CCDC80: variants seen among roughly 807,000 people sequenced by gnomAD.
The protein encoded by CCDC80 is coiled-coil domain-containing protein 80.
A neutral mutation model predicts 78.7 loss-of-function variants in CCDC80; 49 were observed. The ratio of observed to expected loss-of-function variants is 0.62; its 90% CI spans 0.50 to 0.79. The LOEUF is 0.79. Among genes scored for constraint, CCDC80 ranks in the 30% least tolerant of loss-of-function variants. CCDC80 has a pLI of 0.00. For synonymous variants in CCDC80, 488 were observed against 447.0 expected (o/e 1.09, Z -1.16); for missense variants, 1,205 against 1,198.6 (o/e 1.01, Z -0.08).
chr3:112,639,371 G>T lies in CCDC80; in HGVS notation c.535C>A (p.Leu179Met). 6.2e-7 allele frequency: 1 copy of T among 1,614,192 alleles called. No homozygotes were observed. Among genetic ancestry groups the T allele is most frequent in the Non-Finnish European group, 8.5e-7 (1 of 1,180,036 alleles). ...SLLKDDVYCELAERHIQQIVL... is the reference protein window; with the variant it reads ...SLLKDDVYCEMAERHIQQIVL... The stretch of plus-strand genomic sequence containing the variant: ...ATCTGTTGGATGTGCCTCTCCGCCA[G>T]CTCACAGTACACATCGTCCTTCAGC... Residue 179 changes from leucine (L) to methionine (M), a missense_variant, in exon 2 of 8, where the codon CTG becomes ATG. By Grantham distance (15) the Leu-to-Met change is conservative (BLOSUM62 2). Coordinates refer to ENST00000206423, the MANE Select transcript of CCDC80 (RefSeq NM_199511.3).
At position 112,614,161 on chromosome 3, in the gene CCDC80, A is replaced by C. The variant is rs544316075; in HGVS notation, c.2321+2549T>G. Among the ~76,000 whole-genome samples the C allele has an allele frequency of 3.3e-5, 5 of 152,298 alleles. No individual in the cohort carries two copies. In the East Asian group the frequency reaches 7.7e-4, roughly 23 times the overall value. Reference sequence around the variant, plus strand: ...CAAATAATTGAAAGAAATGTATTAAATGTATAATGCCTACGTGAAATGATG... The same window carrying C: ...CAAATAATTGAAAGAAATGTATTAACTGTATAATGCCTACGTGAAATGATG... On this transcript the variant is annotated intron_variant, in intron 5 of 7. Coordinates refer to ENST00000206423, the MANE Select transcript of CCDC80 (RefSeq NM_199511.3).
rs768070081 is a variant in CCDC80, at chr3:112,605,585, C to G, written c.2685G>C (p.Ser895=). 6.2e-7 allele frequency: 1 copy of G among 1,614,008 alleles called. No homozygotes were observed. Among genetic ancestry groups the G allele is most frequent in the Non-Finnish European group, 8.5e-7 (1 of 1,180,032 alleles). ...SMVIVYDLID[S]MQLRRQEMAI... Reference sequence around the variant, plus strand: ...CCATTTCCTGTCTCCGAAGTTGCATCGAATCAATTAAATCGTACACAATCA... The same window carrying G: ...CCATTTCCTGTCTCCGAAGTTGCATGGAATCAATTAAATCGTACACAATCA... The change falls in exon 8 of 8, where the codon TCG becomes TCC. Residue 895 remains serine, a synonymous_variant. Transcript: ENST00000206423.
chr3:112,607,332 G>T, intron 6 of CCDC80, 76 bp from the exon 7 acceptor site: 1 of 1,026,966 alleles, frequency 9.7e-7, no homozygotes, highest in South Asian at 1.5e-5. Flanking sequence ...CCTGATATCT[G>T]ACAATTAAAA....
Position 112,638,226 on chromosome 3 carries a change from G to C in CCDC80, c.1680C>G (p.Asp560Glu). ...TTTGCTTTTCACTCTTAAGTAACTTGTCTGCGTTCTCATTCTTCATCTTTT... is the reference window on the plus strand; with the variant it reads ...TTTGCTTTTCACTCTTAAGTAACTTCTCTGCGTTCTCATTCTTCATCTTTT... ...KKKKMKNENA[D>E]KLLKSEKQMK... The change falls in exon 2 of 8, where the codon GAC becomes GAG. Residue 560 changes from aspartate to glutamate, a missense_variant. Transcript: ENST00000206423. 1 of 1,612,394 alleles carries C rather than the reference G, an allele frequency of 6.2e-7. No individual in the cohort carries two copies. Among genetic ancestry groups the C allele is most frequent in the South Asian group, 1.1e-5 (1 of 91,046 alleles).
At position 112,601,837 on chromosome 3, in the gene CCDC80, G is replaced by A. The variant is rs1460829802; in HGVS notation, c.*3580C>T. ...TGCATTCCAGCTACTTTGGTCCATT[G>A]TAACTTGGTAACCTTTGCCTTGAAA... On this transcript the variant is annotated 3_prime_UTR_variant, in exon 8 of 8. Transcript: ENST00000206423. 1.3e-5 allele frequency: 2 copies of A among 152,118 alleles called. No individual in the cohort carries two copies. Among genetic ancestry groups the A allele is most frequent in the Non-Finnish European group, 2.9e-5 (2 of 68,020 alleles). 9.4% of individuals were successfully genotyped at this position (152,118 alleles called of 1,614,324 possible). A position where few individuals can be genotyped will look rare whatever the true frequency, so the allele number is the denominator to read the frequency against.
Position 112,639,004 on chromosome 3 carries a change from G to C in CCDC80, c.902C>G (p.Ala301Gly). 3.1e-6 allele frequency: 5 copies of C among 1,611,102 alleles called. No individual in the cohort carries two copies. The highest frequency in any genetic ancestry group is 3.4e-6 in the Non-Finnish European group (4 of 1,179,970). The change falls in exon 2 of 8, where the codon GCA (alanine) becomes GGA (glycine). Residue 301 changes from alanine (A) to glycine (G), a missense_variant. By Grantham distance (60) the Ala-to-Gly change is moderately conservative. Coordinates refer to ENST00000206423, the MANE Select transcript of CCDC80 (RefSeq NM_199511.3). The part of the protein sequence containing the change: ...VAEGNDGGGG[A>G]GRPSLGSEKK... ...CTCGCTGCCCAGGCTTGGCCTTCCT[G>C]CTCCCCCTCCACCGTCATTCCCCTC...
chr3:112,609,403 T>C (rs1284706803), intron 6 of CCDC80, among the ~76,000 whole-genome samples: 2 of 152,204 alleles, frequency 1.3e-5, no homozygotes, highest in East Asian at 3.8e-4. Context: ...GTCTTTAAAA[T>C]AAGGTTTTAT....
At chr3:112,618,906 A>G (rs1935807299) in intron 4 of CCDC80, 62 bp downstream of exon 4, 2 of 1,555,246 alleles carry the variant, frequency 1.3e-6, no homozygotes, top group African/African-American at 2.8e-5. Context: ...CTGTTTAACA[A>G]AACAATTCAG....
Position 112,607,245 on chromosome 3 carries a change from T to C in CCDC80, c.2437A>G (p.Ile813Val). ...GQACNFGLRH[I>V]TILKLLGVGE... Reference sequence around the variant, plus strand: ...ACGCCTAAAAGCTTCAGAATGGTTATGTGGCGCAGACCTGAGAGAAAAAAG... The same window carrying C: ...ACGCCTAAAAGCTTCAGAATGGTTACGTGGCGCAGACCTGAGAGAAAAAAG... The change falls in exon 7 of 8, where the codon ATA (isoleucine) becomes GTA (valine). Residue 813 changes from isoleucine to valine, a missense_variant. Ile to Val is a conservative substitution (Grantham distance 29). Transcript: ENST00000206423. 2 of 1,613,924 alleles carry C rather than the reference T, an allele frequency of 1.2e-6. No homozygotes were observed. The highest frequency in any genetic ancestry group is 1.1e-5 in the South Asian group (1 of 91,048).
intron 3 of CCDC80, among the ~76,000 whole-genome samples, chr3:112,623,503 A>T (rs1406545398): frequency 6.6e-6 from 1 of 152,166 alleles, no homozygotes; most frequent in Non-Finnish European, 1.5e-5. Flanking sequence ...TAAAAGTACG[A>T]TCCACTATCC....
rs142004778 is a variant in CCDC80, at chr3:112,618,072, G to A, written c.2172+896C>T. On this transcript the variant is annotated intron_variant, in intron 4 of 7. Transcript: ENST00000206423. The stretch of plus-strand genomic sequence containing the variant: ...TAATGTTAGCATTTATCTTAGACGT[G>A]TGAGACTAAGGATTGCAAAGGGTTG... 5.3e-5 allele frequency among the ~76,000 whole-genome samples: 8 copies of A among 152,312 alleles called. No individual in the cohort carries two copies. In the East Asian group the frequency reaches 1.4e-3, roughly 26 times the overall value.
At chr3:112,634,892 G>A (rs2107494462) in intron 2 of CCDC80, among the ~76,000 whole-genome samples, 1 of 152,248 alleles carries the variant, frequency 6.6e-6, no homozygotes, top group Middle Eastern at 3.4e-3. Flanking sequence ...TATATATCTT[G>A]GGTAACTTCA....
intron 5 of CCDC80, among the ~76,000 whole-genome samples, chr3:112,615,788 C>T (rs900025173): frequency 2.0e-5 from 3 of 152,216 alleles, no homozygotes; most frequent in Admixed American, 2.0e-4. Context: ...TGCTACACTC[C>T]CACCACCACC....
intron 3 of CCDC80, among the ~76,000 whole-genome samples, chr3:112,627,358 T>C (rs748599582): frequency 3.3e-5 from 5 of 152,250 alleles, no homozygotes; most frequent in African/African-American, 9.6e-5. Flanking sequence ...CATTGGAATT[T>C]GCTCAAGCAT....
chr3:112,623,728 T>A (rs1935912321), intron 3 of CCDC80, among the ~76,000 whole-genome samples: 4 of 152,090 alleles, frequency 2.6e-5, no homozygotes, highest in Admixed American at 1.3e-4. Context: ...CAGTATAAAC[T>A]TATCTATTAA....
intron 7 of CCDC80, 130 bp downstream of exon 7, chr3:112,607,046 G>C (rs1935528355): frequency 1.6e-6 from 1 of 628,468 alleles, no homozygotes; most frequent in African/African-American, 1.9e-5. Flanking sequence ...ATGCACAAAT[G>C]CATGAAGTGG....
rs1935343444 is a variant in CCDC80 at position 112,599,808 on chromosome 3, G to A, written c.*5609C>T. 1 of 152,216 alleles carries A rather than the reference G, an allele frequency of 6.6e-6. No homozygotes were observed. Among genetic ancestry groups the A allele is most frequent in the African/African-American group, 2.4e-5 (1 of 41,448 alleles). The allele number at this position is 152,216 out of a possible 1,614,324, so 9.4% of individuals were successfully genotyped here. On this transcript the variant is annotated 3_prime_UTR_variant, in exon 8 of 8. Transcript: ENST00000206423. ...CTATGTAGCAGAAAAGGATCTTTCT[G>A]CTGAATTAATATTCACCTCAGAGCC...
chr3:112,641,041 G>A lies in CCDC80; in HGVS notation c.-726C>T, dbSNP rs914071653. ...CCAAACTCAAACAACAGCAGCCACT[G>A]GAAATCAAGGAAACTTCACTAAGAA... On this transcript the variant is annotated 5_prime_UTR_variant, in exon 1 of 8. Transcript: ENST00000206423. The A allele has an allele frequency of 1.3e-5, 2 of 152,196 alleles. No individual in the cohort carries two copies. Among genetic ancestry groups the A allele is most frequent in the African/African-American group, 4.8e-5 (2 of 41,416 alleles). 9.4% of individuals were successfully genotyped at this position (152,196 alleles called of 1,614,324 possible).
In CCDC80 at chr3:112,602,259, C is replaced by G. The variant is rs1935386992; in HGVS notation, c.*3158G>C. ...GTGTATGTTCTGATTGCTCCAACAA[C>G]CAACCTTTCTCCAATCTTTCTCCTT... is the stretch of plus-strand genomic sequence containing the variant. On this transcript the variant is annotated 3_prime_UTR_variant, in exon 8 of 8. Transcript: ENST00000206423. The G allele has an allele frequency of 6.6e-6, 1 of 152,202 alleles. No individual in the cohort carries two copies. Among genetic ancestry groups the G allele is most frequent in the African/African-American group, 2.4e-5 (1 of 41,440 alleles). The allele number at this position is 152,202 out of a possible 1,614,324, so 9.4% of individuals were successfully genotyped here. A position where few individuals can be genotyped will look rare whatever the true frequency, so the allele number is the denominator to read the frequency against.
Sources: gnomAD v4.1 joint callset for allele counts (sites outside exome capture counted in the v4.1 genomes callset) on GRCh38, gnomAD v4.1.1 for gene constraint, MANE v1.5 for transcripts, NCBI Gene and HGNC (gene_info 2026-07-23, HGNC 2026-07-21) for gene names.